Variants in MTMR12 observed in about 807,000 individuals in gnomAD.
MTMR12 encodes the protein myotubularin related protein 12.
A neutral mutation model predicts 96.7 loss-of-function variants in MTMR12; 33 were observed. The observed-to-expected ratio is 0.34, with a 90% confidence interval of 0.26 to 0.46. MTMR12 has a LOEUF of 0.46. Ranked by LOEUF, MTMR12 falls within the 20% of genes least tolerant of loss-of-function variation. The pLI is 1.00. For synonymous variants in MTMR12, 298 were observed against 327.2 expected, an observed-to-expected ratio of 0.91 and a Z score of 0.96; for missense variants, 721 against 896.1, an observed-to-expected ratio of 0.80 and a Z score of 2.49.
rs763996320 is a variant in MTMR12 at position 32,312,713 on chromosome 5, C to T, written c.81+45G>A. 2 of 1,408,562 alleles carry T rather than the reference C, an allele frequency of 1.4e-6. No individual in the cohort carries two copies. The highest frequency in any genetic ancestry group is 1.8e-6 in the Non-Finnish European group (2 of 1,082,080). 87.3% of individuals were successfully genotyped at this position (1,408,562 alleles called of 1,614,324 possible). On this transcript the variant is annotated intron_variant, in intron 1 of 15. Transcript: ENST00000382142. This position sits in a 1 kb window ranked among gnomAD's most constrained non-coding sequence, Gnocchi z 5.0. ...GAAGGGGCTCCCGGCGCCCCTCGCCCCGGCCGCCCCTGCCCGACGCCCCGC... is the reference window on the plus strand; with the variant it reads ...GAAGGGGCTCCCGGCGCCCCTCGCCTCGGCCGCCCCTGCCCGACGCCCCGC...
intron 2 of MTMR12, among the ~76,000 whole-genome samples, chr5:32,274,663 C>T (rs559756738): frequency 1.3e-5 from 2 of 152,298 alleles, no homozygotes; most frequent in Admixed American, 6.5e-5. Flanking sequence ...GGAGGTGTTG[C>T]CGCCTTCCAC....
At chr5:32,231,125 C>T (rs2111972421) in intron 15 of MTMR12, among the ~76,000 whole-genome samples, 1 of 152,210 alleles carries the variant, frequency 6.6e-6, no homozygotes, top group Non-Finnish European at 1.5e-5. Context: ...CGCAGTAGCT[C>T]ATGCCTGTAA....
In MTMR12 at chr5:32,312,905, C is replaced by A; in HGVS notation, c.-67G>T. On this transcript the variant is annotated 5_prime_UTR_variant, in exon 1 of 16. Coordinates refer to ENST00000382142, the MANE Select transcript of MTMR12 (RefSeq NM_001040446.3). The surrounding 1 kb of genome is among the most constrained non-coding windows in gnomAD (Gnocchi z 5.0). ...GCGGCTCGGGCTCCAGCTGGGGCAGCAGCGGCGGCCACCAGCACTAGCGGC... is the reference window on the plus strand; with the variant it reads ...GCGGCTCGGGCTCCAGCTGGGGCAGAAGCGGCGGCCACCAGCACTAGCGGC... 1 of 1,401,788 alleles carries A rather than the reference C, an allele frequency of 7.1e-7. No individual in the cohort carries two copies. Among genetic ancestry groups the A allele is most frequent in the Non-Finnish European group, 9.4e-7 (1 of 1,065,690 alleles). 86.8% of individuals were successfully genotyped at this position (1,401,788 alleles called of 1,614,324 possible).
At chr5:32,275,977 T>C (rs1240467742) in intron 2 of MTMR12, among the ~76,000 whole-genome samples, 1 of 152,242 alleles carries the variant, frequency 6.6e-6, no homozygotes, top group Non-Finnish European at 1.5e-5. Context: ...TGGGGAAATG[T>C]ACCTTAAAGA....
At chr5:32,282,586 A>G (rs1750345408) in intron 1 of MTMR12, among the ~76,000 whole-genome samples, 1 of 152,150 alleles carries the variant, frequency 6.6e-6, no homozygotes, top group African/African-American at 2.4e-5. Flanking sequence ...ACAAATAACC[A>G]TCATCACCAC....
Position 32,312,761 on chromosome 5 carries a change from A to C in MTMR12, c.78T>G (p.Pro26=). The C allele has an allele frequency of 6.6e-7, 1 of 1,524,510 alleles. No homozygotes were observed. The highest frequency in any genetic ancestry group is 8.8e-7 in the Non-Finnish European group (1 of 1,138,716). The allele number at this position is 1,524,510 out of a possible 1,614,324, so 94.4% of individuals were successfully genotyped here. Residue 26 remains proline, a synonymous_variant, in exon 1 of 16, where the codon CCT becomes CCG. Coordinates refer to ENST00000382142, the MANE Select transcript of MTMR12 (RefSeq NM_001040446.3). The surrounding 1 kb of genome is among the most constrained non-coding windows in gnomAD (Gnocchi z 5.0). ...PKPSFVSYVR[P]EEIHTNEKEV... ...CGCCTGCGCGGCGCCCCCTCACCTC[A>C]GGGCGTACGTACGACACGAAGGAGG...
chr5:32,240,005 C>T (rs1223699788), intron 12 of MTMR12, among the ~76,000 whole-genome samples: 1 of 152,178 alleles, frequency 6.6e-6, no homozygotes, highest in East Asian at 1.9e-4. Flanking sequence ...GGTCTACATC[C>T]CCATAGTTTC....
chr5:32,275,936 A>G (rs1425777177), intron 2 of MTMR12, among the ~76,000 whole-genome samples: 5 of 152,224 alleles, frequency 3.3e-5, no homozygotes, highest in Non-Finnish European at 5.9e-5. Flanking sequence ...GGAATAAAAT[A>G]AAAAGCAACA....
chr5:32,280,888 G>T (rs992823968), intron 1 of MTMR12, among the ~76,000 whole-genome samples: 13 of 152,046 alleles, frequency 8.6e-5, no homozygotes, highest in Non-Finnish European at 1.3e-4. Context: ...TAGTTGTTGG[G>T]GGTAGCAGGA....
In MTMR12 at chr5:32,312,638, G is replaced by T; in HGVS notation, c.81+120C>A. The T allele has an allele frequency of 1.1e-6, 1 of 950,264 alleles. No individual in the cohort carries two copies. Among genetic ancestry groups the T allele is most frequent in the Non-Finnish European group, 1.3e-6 (1 of 741,518 alleles). 58.9% of individuals were successfully genotyped at this position (950,264 alleles called of 1,614,324 possible). On this transcript the variant is annotated intron_variant, in intron 1 of 15. Coordinates refer to ENST00000382142, the MANE Select transcript of MTMR12 (RefSeq NM_001040446.3). This position sits in a 1 kb window ranked among gnomAD's most constrained non-coding sequence, Gnocchi z 5.0. Reference sequence around the variant, plus strand: ...CGGCCTCAGCCCGCCTGGCTGCCCCGTCGCCCGGCACAAGGGCAGGAAGCG... The same window carrying T: ...CGGCCTCAGCCCGCCTGGCTGCCCCTTCGCCCGGCACAAGGGCAGGAAGCG...
rs1242282916 is a variant in MTMR12 at position 32,312,875 on chromosome 5, A to G, written c.-37T>C. The G allele has an allele frequency of 2.7e-6, 4 of 1,503,868 alleles. No individual in the cohort carries two copies. The highest frequency in any genetic ancestry group is 2.7e-6 in the Non-Finnish European group (3 of 1,131,490). The allele number at this position is 1,503,868 out of a possible 1,614,324, so 93.2% of individuals were successfully genotyped here. A position where few individuals can be genotyped will look rare whatever the true frequency, so the allele number is the denominator to read the frequency against. ...GGGAAGCAGCGACGCGCGGACGCAG[A>G]GGCGGCGGCTCGGGCTCCAGCTGGG... On this transcript the variant is annotated 5_prime_UTR_variant, in exon 1 of 16. Coordinates refer to ENST00000382142, the MANE Select transcript of MTMR12 (RefSeq NM_001040446.3). The surrounding 1 kb of genome is among the most constrained non-coding windows in gnomAD (Gnocchi z 5.0).
At chr5:32,274,458 T>C (rs1005783833) in intron 2 of MTMR12, among the ~76,000 whole-genome samples, 1 of 152,164 alleles carries the variant, frequency 6.6e-6, no homozygotes. Flanking sequence ...TTTCATTACT[T>C]TGACCCAAGC....
intron 5 of MTMR12, 56 bp downstream of exon 5, chr5:32,270,761 G>A: frequency 3.9e-6 from 6 of 1,542,314 alleles, no homozygotes; most frequent in Non-Finnish European, 4.4e-6. Flanking sequence ...AAAAACTAGA[G>A]CTAGTGGGGA....
intron 1 of MTMR12, among the ~76,000 whole-genome samples, chr5:32,290,551 G>A (rs1173083670): frequency 6.6e-6 from 1 of 152,168 alleles, no homozygotes; most frequent in African/African-American, 2.4e-5. Context: ...GGCCTATTTG[G>A]ATTTTGGAGG....
At chr5:32,275,658 C>T (rs1269017945) in intron 2 of MTMR12, among the ~76,000 whole-genome samples, 1 of 152,168 alleles carries the variant, frequency 6.6e-6, no homozygotes, top group African/African-American at 2.4e-5. Flanking sequence ...GAGAAGTTAA[C>T]TGTGAACTCA....
intron 7 of MTMR12, among the ~76,000 whole-genome samples, chr5:32,259,937 G>A (rs1257887517): frequency 6.6e-6 from 1 of 151,622 alleles, no homozygotes; most frequent in African/African-American, 2.4e-5. Context: ...TTGGGAGGCT[G>A]AGGCAGGAGA....
At chr5:32,231,634 T>G (rs1748000761) in intron 15 of MTMR12, among the ~76,000 whole-genome samples, 1 of 152,140 alleles carries the variant, frequency 6.6e-6, no homozygotes, top group Admixed American at 6.5e-5. Flanking sequence ...ATTATTTCCT[T>G]ATTATGAAAT....
intron 1 of MTMR12, among the ~76,000 whole-genome samples, chr5:32,298,388 G>GGA (rs1222687074): frequency 6.6e-6 from 1 of 152,204 alleles, no homozygotes; most frequent in South Asian, 2.1e-4. Context: ...TCACTTGAAA[G>GGA]GAGAGAGAAG....
chr5:32,292,957 CT>C (rs1750789811), intron 1 of MTMR12, among the ~76,000 whole-genome samples: 3 of 152,104 alleles, frequency 2.0e-5, no homozygotes, highest in African/African-American at 7.2e-5. Flanking sequence ...TTTCCTTTTC[CT>C]TTATCATATA....
Sources: gnomAD v4.1 joint callset for allele counts (sites outside exome capture counted in the v4.1 genomes callset) on GRCh38, gnomAD v4.1.1 for gene constraint, Gnocchi (gnomAD v3.1) non-coding constraint, MANE v1.5 for transcripts, NCBI Gene and HGNC (gene_info 2026-07-23, HGNC 2026-07-21) for gene names.